AFG2A: variants seen among roughly 807,000 people sequenced by gnomAD.
The protein encoded by AFG2A is ATPase family gene 2 protein homolog A.
the AFG2A span, among the ~76,000 whole-genome samples, chr4:123,219,796 T>G: frequency 6.6e-6 from 1 of 152,200 alleles, no homozygotes; most frequent in African/African-American, 2.4e-5. Context: ...ACCCTGTTTC[T>G]TCAAATGAAT....
chr4:122,946,521 T>A, the AFG2A span, among the ~76,000 whole-genome samples: 2 of 149,556 alleles, frequency 1.3e-5, no homozygotes, highest in Admixed American at 6.7e-5. Flanking sequence ...TTTTTTTAAA[T>A]TTTTTTTTTT....
the AFG2A span, among the ~76,000 whole-genome samples, chr4:123,041,739 G>A: frequency 6.6e-6 from 1 of 150,632 alleles, no homozygotes; most frequent in Non-Finnish European, 1.5e-5. Context: ...TGTTGGTCAG[G>A]CTGGTCTTGA....
chr4:122,967,263 G>A, the AFG2A span, among the ~76,000 whole-genome samples: 1 of 151,982 alleles, frequency 6.6e-6, no homozygotes, highest in Admixed American at 6.6e-5. Context: ...AGCCGGTGGT[G>A]GTAGTGTGTG....
chr4:123,222,804 CTGGTT>C, the AFG2A span, among the ~76,000 whole-genome samples: 5 of 152,152 alleles, frequency 3.3e-5, no homozygotes, highest in African/African-American at 1.2e-4. Flanking sequence ...CTTTGTGTGA[CTGGTT>C]TATATTACTT....
the AFG2A span, among the ~76,000 whole-genome samples, chr4:123,034,256 C>T: frequency 6.6e-6 from 1 of 152,042 alleles, no homozygotes; most frequent in East Asian, 1.9e-4. Context: ...TTTTGGTATT[C>T]ACAGTGGTCC....
At chr4:122,923,451 C>A in the AFG2A span, 1 of 1,081,382 alleles carries the variant, frequency 9.2e-7, no homozygotes, top group East Asian at 2.5e-5. Context: ...TGTAAGACTT[C>A]TGTATGTAAG....
the AFG2A span, among the ~76,000 whole-genome samples, chr4:123,310,323 T>C: frequency 6.6e-6 from 1 of 152,230 alleles, no homozygotes; most frequent in African/African-American, 2.4e-5. Flanking sequence ...TTGTGAATTT[T>C]AGTTATATTT....
chr4:123,260,034 C>G, the AFG2A span: 5 of 152,204 alleles, frequency 3.3e-5, no homozygotes, highest in African/African-American at 1.2e-4. Flanking sequence ...TCTTCAGAGG[C>G]CAGCTTCAGC....
At chr4:122,933,428 T>C in the AFG2A span, 4 of 1,610,310 alleles carry the variant, frequency 2.5e-6, no homozygotes, top group South Asian at 1.1e-5. Flanking sequence ...TCCCTTCTTA[T>C]CCTTTTACAG....
chr4:123,241,628 ATC>A, the AFG2A span, among the ~76,000 whole-genome samples: 1 of 152,198 alleles, frequency 6.6e-6, no homozygotes, highest in Non-Finnish European at 1.5e-5. Flanking sequence ...TGATGGAAAT[ATC>A]TCAAAATAAT....
the AFG2A span, among the ~76,000 whole-genome samples, chr4:123,014,837 T>C: frequency 2.6e-5 from 4 of 152,214 alleles, no homozygotes; most frequent in African/African-American, 9.6e-5. Context: ...TTCTCAATGT[T>C]ATTTACTAAA....
At chr4:123,076,990 G>C in the AFG2A span, among the ~76,000 whole-genome samples, 1 of 150,982 alleles carries the variant, frequency 6.6e-6, no homozygotes, top group African/African-American at 2.4e-5. Context: ...GTGGTGGGGC[G>C]GGGGGGTTGT....
the AFG2A span, among the ~76,000 whole-genome samples, chr4:123,225,228 G>A: frequency 6.6e-6 from 1 of 152,166 alleles, no homozygotes; most frequent in Non-Finnish European, 1.5e-5. Context: ...GATCCTATTT[G>A]TCAATTTTGG....
chr4:123,242,327 GC>G, the AFG2A span, among the ~76,000 whole-genome samples: 1 of 152,150 alleles, frequency 6.6e-6, no homozygotes. Flanking sequence ...AAACAACAAA[GC>G]TGGAGGCATC....
the AFG2A span, chr4:123,314,289 G>A: frequency 3.0e-6 from 1 of 333,780 alleles, no homozygotes; most frequent in Non-Finnish European, 5.3e-6. Context: ...TTTGTGGTGT[G>A]GTTTAAAAAA....
the AFG2A span, among the ~76,000 whole-genome samples, chr4:123,139,545 A>G: frequency 6.6e-6 from 1 of 152,122 alleles, no homozygotes; most frequent in South Asian, 2.1e-4. Flanking sequence ...TGTAAATTCT[A>G]GTTTTACAAA....
chr4:123,057,173 G>C, the AFG2A span: 1 of 1,608,304 alleles, frequency 6.2e-7, no homozygotes, highest in Non-Finnish European at 8.5e-7. Flanking sequence ...TCTAGTGTTT[G>C]CTCATCTTTA....
chr4:123,299,590 C>T, the AFG2A span, among the ~76,000 whole-genome samples: 7 of 152,272 alleles, frequency 4.6e-5, 1 homozygote, highest in Admixed American at 3.9e-4. Flanking sequence ...GTCCAGTTGA[C>T]TCACATCTCT....
the AFG2A span, among the ~76,000 whole-genome samples, chr4:123,258,858 CTT>C: frequency 0.028 from 2,512 of 89,960 alleles, 12 homozygotes; most frequent in Middle Eastern, 0.038. Flanking sequence ...GATACTGGTA[CTT>C]TTTTTTTTTT....
Sources: allele counts gnomAD v4.1 joint callset (sites outside exome capture counted in the v4.1 genomes callset), GRCh38; gene constraint gnomAD v4.1.1; transcripts MANE v1.5; gene names NCBI Gene and HGNC (gene_info 2026-07-23, HGNC 2026-07-21).